The following MAN1A1 variants were observed in gnomAD, a reference collection of about 807,000 sequenced individuals.
The protein encoded by MAN1A1 is mannosyl-oligosaccharide 1,2-alpha-mannosidase IA.
MAN1A1 carries 29 observed loss-of-function variants against 70.8 expected under a neutral mutation model. That is an observed-to-expected ratio of 0.41 (90% CI 0.31 to 0.56). The LOEUF is 0.56. Ranked by LOEUF, MAN1A1 falls within the 20% of genes least tolerant of loss-of-function variation. MAN1A1 has a pLI of 0.29. For missense variants in MAN1A1, 747 were observed against 841.3 expected (o/e 0.89, Z 1.39); for synonymous variants, 349 against 330.1 (o/e 1.06, Z -0.62).
At chr6:119,231,359 CCACT>C (rs996086499) in intron 6 of MAN1A1, among the ~76,000 whole-genome samples, 4 of 152,124 alleles carry the variant, frequency 2.6e-5, no homozygotes, top group Non-Finnish European at 5.9e-5. Context: ...TCCTCTGCTG[CCACT>C]CACTCCGTCC....
In MAN1A1 at chr6:119,254,360, C is replaced by T. The variant is rs3798617; in HGVS notation, c.898-6006G>A. ...TAACTCTTCTGGTTCTCAATTTCCCCAGAAAAAAGAGGGAGAGTAAGGCTG... is the reference window on the plus strand; with the variant it reads ...TAACTCTTCTGGTTCTCAATTTCCCTAGAAAAAAGAGGGAGAGTAAGGCTG... On this transcript the variant is annotated intron_variant, in intron 5 of 12. Coordinates refer to ENST00000368468, the MANE Select transcript of MAN1A1 (RefSeq NM_005907.4). 6.1e-3 allele frequency among the ~76,000 whole-genome samples: 921 copies of T among 152,158 alleles called. 31 individuals carry two copies. In the East Asian group the frequency reaches 0.092, roughly 15 times the overall value.
chr6:119,280,442 A>G (rs1776199514), intron 5 of MAN1A1, among the ~76,000 whole-genome samples: 1 of 152,316 alleles, frequency 6.6e-6, no homozygotes, highest in African/African-American at 2.4e-5. Context: ...GTCAATGGGG[A>G]CTGTGTTTCT....
chr6:119,261,331 C>T (rs1717568781), intron 5 of MAN1A1, among the ~76,000 whole-genome samples: 1 of 152,160 alleles, frequency 6.6e-6, no homozygotes, highest in Non-Finnish European at 1.5e-5. Flanking sequence ...ATAGTTGAAA[C>T]TTTCTAAATT....
At chr6:119,253,038 TA>T (rs897507655) in intron 5 of MAN1A1, among the ~76,000 whole-genome samples, 57 of 149,146 alleles carry the variant, frequency 3.8e-4, no homozygotes, top group Non-Finnish European at 4.6e-4. Context: ...TGAGTGAACA[TA>T]AAAAAAAAAT....
At chr6:119,327,857 G>C (rs1773196663) in intron 2 of MAN1A1, among the ~76,000 whole-genome samples, 2 of 152,128 alleles carry the variant, frequency 1.3e-5, no homozygotes, top group South Asian at 4.1e-4. Flanking sequence ...AAAATGAAGG[G>C]AGCAAACTGA....
At chr6:119,341,439 C>T (rs1344094680) in intron 2 of MAN1A1, among the ~76,000 whole-genome samples, 1 of 152,118 alleles carries the variant, frequency 6.6e-6, no homozygotes, top group African/African-American at 2.4e-5. Flanking sequence ...GGGCCTGGTT[C>T]TCAGTACTTC....
At chr6:119,271,190 G>GA (rs1775914130) in intron 5 of MAN1A1, among the ~76,000 whole-genome samples, 1 of 152,114 alleles carries the variant, frequency 6.6e-6, no homozygotes, top group African/African-American at 2.4e-5. Flanking sequence ...TTACAGGAAG[G>GA]AAATTTATCC....
chr6:119,238,785 G>A (rs9489630), intron 6 of MAN1A1, among the ~76,000 whole-genome samples: 43,934 of 152,026 alleles, frequency 0.29, 6,892 homozygotes, highest in East Asian at 0.56. Context: ...TGACAAAGAG[G>A]GGAAGCAAGA....
chr6:119,291,555 T>C (rs2114419913), intron 4 of MAN1A1, among the ~76,000 whole-genome samples: 1 of 152,080 alleles, frequency 6.6e-6, no homozygotes, highest in African/African-American at 2.4e-5. Context: ...GCATTCTCCT[T>C]TATTTTATTC....
chr6:119,348,511 C>T lies in MAN1A1; in HGVS notation c.555G>A (p.Arg185=). The change falls in exon 2 of 13, where the codon CGG becomes CGA. Residue 185 remains arginine, a synonymous_variant. Transcript: ENST00000368468. The part of the protein sequence containing the change: ...DFVPPIGVES[R]EPADAAIREK... ...CGCGGATGGCGGCGTCGGCGGGCTCCCGGCTCTCCACCCCGATTGGGGGCA... is the reference window on the plus strand; with the variant it reads ...CGCGGATGGCGGCGTCGGCGGGCTCTCGGCTCTCCACCCCGATTGGGGGCA... 6.2e-7 allele frequency: 1 copy of T among 1,610,966 alleles called. No individual in the cohort carries two copies. Among genetic ancestry groups the T allele is most frequent in the Non-Finnish European group, 8.5e-7 (1 of 1,178,530 alleles).
At chr6:119,230,123 A>G (rs1307853395) in intron 6 of MAN1A1, among the ~76,000 whole-genome samples, 1 of 152,158 alleles carries the variant, frequency 6.6e-6, no homozygotes, top group African/African-American at 2.4e-5. Context: ...ACTATACCCA[A>G]CATTTCAAGG....
intron 2 of MAN1A1, among the ~76,000 whole-genome samples, chr6:119,335,739 T>C (rs1271746890): frequency 6.6e-6 from 1 of 152,202 alleles, no homozygotes; most frequent in Non-Finnish European, 1.5e-5. Flanking sequence ...GAGAAGACTC[T>C]CCTTTTGAGA....
intron 2 of MAN1A1, among the ~76,000 whole-genome samples, chr6:119,314,359 C>T (rs766471628): frequency 5.9e-5 from 9 of 152,116 alleles, no homozygotes; most frequent in African/African-American, 9.7e-5. Context: ...TAGGAGCTGT[C>T]GTCATCATGG....
At chr6:119,283,164 C>T (rs1013732853) in intron 5 of MAN1A1, among the ~76,000 whole-genome samples, 13 of 152,210 alleles carry the variant, frequency 8.5e-5, no homozygotes, top group African/African-American at 3.1e-4. Context: ...AGAGATCATG[C>T]ATATTGTCCA....
At chr6:119,216,615 T>G (rs1446649163) in intron 6 of MAN1A1, among the ~76,000 whole-genome samples, 2 of 152,210 alleles carry the variant, frequency 1.3e-5, no homozygotes, top group Non-Finnish European at 2.9e-5. Flanking sequence ...AAAGCCAAAT[T>G]CATGCATTTT....
intron 11 of MAN1A1, among the ~76,000 whole-genome samples, chr6:119,187,329 A>C (rs1773317983): frequency 6.6e-6 from 1 of 152,198 alleles, no homozygotes; most frequent in South Asian, 2.1e-4. Flanking sequence ...ATTCCCTATC[A>C]CCAAAGTTTA....
chr6:119,349,156 C>T lies in MAN1A1; in HGVS notation c.-91G>A. ...TCCGCGGCTGCGGGGCTGGGTCCTGCGTAGCCAGGCCGCCCGACCCCCTCG... is the reference window on the plus strand; with the variant it reads ...TCCGCGGCTGCGGGGCTGGGTCCTGTGTAGCCAGGCCGCCCGACCCCCTCG... On this transcript the variant is annotated 5_prime_UTR_variant, in exon 2 of 13. Transcript: ENST00000368468. 8.1e-7 allele frequency: 1 copy of T among 1,233,714 alleles called. No homozygotes were observed. The highest frequency in any genetic ancestry group is 1.0e-6 in the Non-Finnish European group (1 of 989,784). 76.4% of individuals were successfully genotyped at this position (1,233,714 alleles called of 1,614,324 possible).
chr6:119,264,442 CAT>C (rs565553435), intron 5 of MAN1A1, among the ~76,000 whole-genome samples: 60 of 152,294 alleles, frequency 3.9e-4, no homozygotes, highest in African/African-American at 1.4e-3. Flanking sequence ...GCAAATAGCA[CAT>C]GAGATATTAA....
At chr6:119,323,269 A>G (rs1263237380) in intron 2 of MAN1A1, among the ~76,000 whole-genome samples, 1 of 152,178 alleles carries the variant, frequency 6.6e-6, no homozygotes, top group Non-Finnish European at 1.5e-5. Flanking sequence ...TTATGCCTAT[A>G]GATTCAAAGT....
Sources: gnomAD v4.1 joint callset for allele counts (sites outside exome capture counted in the v4.1 genomes callset) on GRCh38, gnomAD v4.1.1 for gene constraint, MANE v1.5 for transcripts, NCBI Gene and HGNC (gene_info 2026-07-23, HGNC 2026-07-21) for gene names.